Variants in ATG13 observed in about 807,000 individuals in gnomAD.
The protein encoded by ATG13 is autophagy related 13.
In ATG13, 23 loss-of-function variants were observed where a neutral mutation model predicts 65.5. That is an observed-to-expected ratio of 0.35 (90% CI 0.25 to 0.50). The LOEUF is 0.50. Among genes scored for constraint, ATG13 ranks in the 20% least tolerant of loss-of-function variants. The pLI, the probability that ATG13 is intolerant of heterozygous loss-of-function variation, is 0.98. For missense variants in ATG13, 566 were observed against 677.0 expected (o/e 0.84, Z 1.82); for synonymous variants, 252 against 245.2 (o/e 1.03, Z -0.26).
At chr11:46,659,636 G>T in intron 11 of ATG13, 151 bp downstream of exon 11, 1 of 581,372 alleles carries the variant, frequency 1.7e-6, no homozygotes. Context: ...GAGCCTTCTT[G>T]TCCAGAAGAT....
At chr11:46,630,946 A>G (rs1174516533) in intron 2 of ATG13, 1 of 152,106 alleles carries the variant, frequency 6.6e-6, no homozygotes, top group African/African-American at 2.4e-5. Context: ...TCCTGGGCTC[A>G]AGAGATCATC....
At chr11:46,634,201 T>G (rs1369504154) in intron 2 of ATG13, among the ~76,000 whole-genome samples, 2 of 151,414 alleles carry the variant, frequency 1.3e-5, no homozygotes, top group Admixed American at 1.3e-4. Context: ...GTTCAAGAGA[T>G]TCTCCTGTCT....
chr11:46,622,115 AT>A (rs1565398561), intron 1 of ATG13, among the ~76,000 whole-genome samples: 1 of 80,678 alleles, frequency 1.2e-5, no homozygotes, highest in East Asian at 3.2e-4. Flanking sequence ...ATATATATAT[AT>A]ATATATATAT....
chr11:46,657,067 G>T (rs2136707906), intron 8 of ATG13, 28 bp from the exon 9 acceptor site: 2 of 1,577,242 alleles, frequency 1.3e-6, no homozygotes, highest in East Asian at 4.5e-5. Context: ...CTCTGCAAAA[G>T]AAGCTAATAA....
At chr11:46,641,776 G>A (rs1460134722) in intron 2 of ATG13, among the ~76,000 whole-genome samples, 1 of 102,568 alleles carries the variant, frequency 9.7e-6, no homozygotes, top group Non-Finnish European at 2.0e-5. Flanking sequence ...TTTTTTTTTC[G>A]TGACAGAGTT....
chr11:46,623,074 C>T (rs891602272), intron 1 of ATG13, among the ~76,000 whole-genome samples: 1 of 151,894 alleles, frequency 6.6e-6, no homozygotes, highest in Non-Finnish European at 1.5e-5. Flanking sequence ...GCGGGCGGAT[C>T]ACGAGGTCGG....
intron 8 of ATG13, 57 bp downstream of exon 8, chr11:46,656,330 A>G: frequency 6.7e-7 from 1 of 1,495,316 alleles, no homozygotes; most frequent in South Asian, 1.2e-5. Flanking sequence ...AACTTCAGAG[A>G]TGATCTTCGT....
chr11:46,669,378 A>T, intron 17 of ATG13, 26 bp from the exon 18 acceptor site: 1 of 1,613,270 alleles, frequency 6.2e-7, no homozygotes, highest in Non-Finnish European at 8.5e-7. Context: ...AAGGCAAGCT[A>T]AACTGACTCT....
intron 2 of ATG13, among the ~76,000 whole-genome samples, chr11:46,638,036 G>A (rs1323094108): frequency 1.3e-5 from 2 of 152,024 alleles, no homozygotes; most frequent in East Asian, 1.9e-4. Context: ...ATATTTATGG[G>A]GTTCGTGTTT....
At chr11:46,657,797 C>T (rs1441072647) in intron 10 of ATG13, among the ~76,000 whole-genome samples, 175 bp downstream of exon 10, 1 of 152,206 alleles carries the variant, frequency 6.6e-6, no homozygotes, top group Non-Finnish European at 1.5e-5. Flanking sequence ...TCTGCTCCCT[C>T]TTAGGTACAC....
intron 18 of ATG13, among the ~76,000 whole-genome samples, chr11:46,670,036 G>A (rs1364966733): frequency 6.6e-6 from 1 of 152,108 alleles, no homozygotes. Context: ...CCTCTGAGGG[G>A]CAGAAGAGTG....
chr11:46,644,512 G>T (rs1338687815), intron 3 of ATG13, 152 bp downstream of exon 3: 10 of 602,678 alleles, frequency 1.7e-5, no homozygotes, highest in Non-Finnish European at 2.8e-5. Flanking sequence ...AAACTGTGAG[G>T]TATGGGGGCG....
rs375951213 is a variant in ATG13, at chr11:46,672,900, A to G, written c.*568A>G. 59 of 963,836 alleles carry G rather than the reference A, an allele frequency of 6.1e-5. 2 individuals carry two copies. The highest frequency in any genetic ancestry group is 4.4e-4 in the Admixed American group (12 of 27,214). 59.7% of individuals were successfully genotyped at this position (963,836 alleles called of 1,614,324 possible). A position where few individuals can be genotyped will look rare whatever the true frequency, so the allele number is the denominator to read the frequency against. On this transcript the variant is annotated 3_prime_UTR_variant, in exon 19 of 19. Coordinates refer to ENST00000683050, the MANE Select transcript of ATG13 (RefSeq NM_001346311.2). ...TGCCTCTATGCCTGTATTTCTGGCAATATGACAGGCCTGCCTACCCAAGAT... is the reference window on the plus strand; with the variant it reads ...TGCCTCTATGCCTGTATTTCTGGCAGTATGACAGGCCTGCCTACCCAAGAT...
At chr11:46,666,892 G>A (rs1348178483) in intron 14 of ATG13, among the ~76,000 whole-genome samples, 1 of 151,960 alleles carries the variant, frequency 6.6e-6, no homozygotes, top group Admixed American at 6.6e-5. Flanking sequence ...CGGTAAAGTG[G>A]GAAGGAGTCA....
rs557117369 is a variant in ATG13 at position 46,661,486 on chromosome 11, C to G, written c.789+2001C>G. On this transcript the variant is annotated intron_variant, in intron 11 of 18. Transcript: ENST00000683050. ...TGAGCCAAGATTTCCCCACTGCACT[C>G]TAGCCCGGGCAACAGAGTGAGACTC... Among the ~76,000 whole-genome samples, 8 of 142,178 alleles carry G rather than the reference C, an allele frequency of 5.6e-5. No individual in the cohort carries two copies. The South Asian group carries it at 1.5e-3, about 27-fold the overall frequency. 93.3% of individuals were successfully genotyped at this position (142,178 alleles called of 152,430 possible).
chr11:46,659,563 G>T, intron 11 of ATG13, 78 bp downstream of exon 11: 1 of 1,210,810 alleles, frequency 8.3e-7, no homozygotes, highest in Non-Finnish European at 1.2e-6. Flanking sequence ...TCCAAATTTA[G>T]CTACAATCCC....
chr11:46,672,343 G>A lies in ATG13; in HGVS notation c.*11G>A. The A allele has an allele frequency of 6.2e-7, 1 of 1,614,178 alleles. No individual in the cohort carries two copies. ...GAAACCCTGCAGTAAAAGTATCCTT[G>A]AGTCCCAGCAGCACCCCCTTTTTGT... On this transcript the variant is annotated 3_prime_UTR_variant, in exon 19 of 19. Coordinates refer to ENST00000683050, the MANE Select transcript of ATG13 (RefSeq NM_001346311.2).
intron 7 of ATG13, among the ~76,000 whole-genome samples, chr11:46,654,676 C>T (rs1019294187): frequency 3.3e-5 from 5 of 151,756 alleles, no homozygotes; most frequent in Non-Finnish European, 5.9e-5. Flanking sequence ...GGGCAGTGGT[C>T]ATACCACTGC....
chr11:46,628,142 G>T (rs981242272), intron 1 of ATG13, among the ~76,000 whole-genome samples: 41 of 150,644 alleles, frequency 2.7e-4, no homozygotes, highest in Non-Finnish European at 4.1e-4. Context: ...GGTAGCTCAC[G>T]CCTGTAATCC....
Sources: allele counts gnomAD v4.1 joint callset (sites outside exome capture counted in the v4.1 genomes callset), GRCh38; gene constraint gnomAD v4.1.1; transcripts MANE v1.5; gene names NCBI Gene and HGNC (gene_info 2026-07-23, HGNC 2026-07-21).